Variants in KCNIP1 observed in about 807,000 individuals in gnomAD.
The protein encoded by KCNIP1 is potassium voltage-gated channel interacting protein 1, also known as A-type potassium channel modulatory protein KCNIP1.
Under a neutral mutation model 33.0 loss-of-function variants are expected in KCNIP1, and 18 were observed. The ratio of observed to expected loss-of-function variants is 0.55; its 90% CI spans 0.38 to 0.81. The LOEUF is 0.81. Ranked by LOEUF, KCNIP1 falls within the 30% of genes least tolerant of loss-of-function variation. The probability of loss-of-function intolerance (pLI) is 0.00; values close to 1 mark genes in which losing one functional copy is unlikely to be tolerated. For missense variants in KCNIP1, 238 were observed against 271.6 expected (o/e 0.88, Z 0.87); for synonymous variants, 93 against 98.3 (o/e 0.95, Z 0.32).
At chr5:170,582,423 G>A (rs959100389) in intron 1 of KCNIP1, among the ~76,000 whole-genome samples, 2 of 152,206 alleles carry the variant, frequency 1.3e-5, no homozygotes, top group Non-Finnish European at 2.9e-5. Flanking sequence ...ACTCAGCATA[G>A]CCTAACATTT....
intron 1 of KCNIP1, among the ~76,000 whole-genome samples, chr5:170,492,744 CA>C (rs940176243): frequency 6.8e-6 from 1 of 146,288 alleles, no homozygotes; most frequent in East Asian, 2.0e-4. Context: ...AGACAGAGAC[CA>C]AATATCTATC....
intron 1 of KCNIP1, among the ~76,000 whole-genome samples, chr5:170,536,408 C>T (rs1027393589): frequency 3.3e-5 from 5 of 152,140 alleles, no homozygotes; most frequent in East Asian, 1.9e-4. Flanking sequence ...CTTTGGAAAA[C>T]GGGCAGAACC....
chr5:170,483,261 C>T (rs1936136726), intron 1 of KCNIP1: 3 of 275,434 alleles, frequency 1.1e-5, no homozygotes, highest in South Asian at 1.0e-4. Context: ...GGCTGGGGAC[C>T]TTTGGACTAA....
chr5:170,615,528 A>T (rs1759332742), intron 1 of KCNIP1, among the ~76,000 whole-genome samples: 1 of 152,176 alleles, frequency 6.6e-6, no homozygotes, highest in African/African-American at 2.4e-5. Flanking sequence ...GAAAAGGCTC[A>T]TCACCGTCAC....
At chr5:170,383,558 A>G in intron 1 of KCNIP1, 1 of 1,099,778 alleles carries the variant, frequency 9.1e-7, no homozygotes, top group Non-Finnish European at 1.3e-6. Flanking sequence ...GTCTCATTCC[A>G]GCTGTGAGAC....
intron 1 of KCNIP1, among the ~76,000 whole-genome samples, chr5:170,392,198 G>C (rs775216231): frequency 1.3e-5 from 2 of 152,224 alleles, no homozygotes; most frequent in Middle Eastern, 6.8e-3. Context: ...AAATCTCACC[G>C]GGCATGGGAG....
chr5:170,457,370 A>G (rs1206937544), intron 1 of KCNIP1, among the ~76,000 whole-genome samples: 2 of 152,268 alleles, frequency 1.3e-5, no homozygotes, highest in Non-Finnish European at 2.9e-5. Context: ...CTGGAGGGGC[A>G]TAACGACTGC....
At chr5:170,456,164 A>G (rs758249636) in intron 1 of KCNIP1, among the ~76,000 whole-genome samples, 2 of 152,234 alleles carry the variant, frequency 1.3e-5, no homozygotes, top group Non-Finnish European at 2.9e-5. Flanking sequence ...TTGCAGGGAC[A>G]TAGATGAAGC....
At chr5:170,687,114 A>C (rs764175170) in intron 1 of KCNIP1, among the ~76,000 whole-genome samples, 1 of 150,474 alleles carries the variant, frequency 6.6e-6, no homozygotes, top group Non-Finnish European at 1.5e-5. Context: ...CTCGTCAATC[A>C]CTCTTAAAAA....
chr5:170,448,466 G>A (rs1052697562), intron 1 of KCNIP1, among the ~76,000 whole-genome samples: 1 of 152,254 alleles, frequency 6.6e-6, no homozygotes, highest in African/African-American at 2.4e-5. Flanking sequence ...CTGGGGGCTT[G>A]GAGGAGTGGC....
At chr5:170,532,521 T>C (rs796427487) in intron 1 of KCNIP1, among the ~76,000 whole-genome samples, 7 of 152,350 alleles carry the variant, frequency 4.6e-5, no homozygotes, top group East Asian at 1.9e-4. Context: ...CACGCATGCA[T>C]GTGCTCTCTC....
chr5:170,593,729 G>A (rs1202077220), intron 1 of KCNIP1, among the ~76,000 whole-genome samples: 1 of 152,158 alleles, frequency 6.6e-6, no homozygotes, highest in African/African-American at 2.4e-5. Context: ...GGGCGGGGCT[G>A]GGGGGCCTCA....
chr5:170,508,558 G>A (rs1754803869), intron 1 of KCNIP1, among the ~76,000 whole-genome samples: 1 of 152,214 alleles, frequency 6.6e-6, no homozygotes, highest in Middle Eastern at 3.2e-3. Context: ...AGCCCAAGGG[G>A]CAGGCCTTTG....
intron 1 of KCNIP1, among the ~76,000 whole-genome samples, chr5:170,576,615 C>T (rs1581348422): frequency 2.6e-5 from 4 of 152,324 alleles, no homozygotes; most frequent in African/African-American, 7.2e-5. Flanking sequence ...ATTAGCCACT[C>T]GGACAAGTGA....
intron 1 of KCNIP1, chr5:170,383,963 T>TC: frequency 9.8e-7 from 1 of 1,025,172 alleles, no homozygotes. Flanking sequence ...AGGACTGGGA[T>TC]CCTCATCTTG....
chr5:170,636,210 A>G (rs1581427542), intron 1 of KCNIP1, among the ~76,000 whole-genome samples: 2 of 152,256 alleles, frequency 1.3e-5, no homozygotes, highest in African/African-American at 2.4e-5. Context: ...AGCCAGAGAC[A>G]GGAATTGTGG....
chr5:170,388,690 G>C (rs1241918547), intron 1 of KCNIP1, among the ~76,000 whole-genome samples: 4 of 152,140 alleles, frequency 2.6e-5, no homozygotes, highest in Non-Finnish European at 5.9e-5. Flanking sequence ...GTGTGGACAG[G>C]GCGATTCTGA....
intron 1 of KCNIP1, among the ~76,000 whole-genome samples, chr5:170,509,733 C>T (rs1216320425): frequency 6.6e-6 from 1 of 152,170 alleles, no homozygotes; most frequent in African/African-American, 2.4e-5. Flanking sequence ...CCTATCTTTT[C>T]ACAAAGAGCA....
At chr5:170,686,601 C>A (rs1762543222) in intron 1 of KCNIP1, among the ~76,000 whole-genome samples, 1 of 152,188 alleles carries the variant, frequency 6.6e-6, no homozygotes, top group South Asian at 2.1e-4. Context: ...TGAGTTGTGG[C>A]CAAAGCACCA....
Sources: allele counts gnomAD v4.1 joint callset (sites outside exome capture counted in the v4.1 genomes callset), GRCh38; gene constraint gnomAD v4.1.1; transcripts MANE v1.5; gene names NCBI Gene and HGNC (gene_info 2026-07-23, HGNC 2026-07-21).